Variants in KCNU1 observed in about 807,000 individuals in gnomAD.
KCNU1 encodes the protein potassium channel subfamily U member 1.
Under a neutral mutation model 126.8 loss-of-function variants are expected in KCNU1, and 93 were observed. That is an observed-to-expected ratio of 0.73 (90% CI 0.62 to 0.87). The LOEUF (loss-of-function observed/expected upper bound fraction) is 0.87. Ranked by LOEUF, KCNU1 falls within the 40% of genes least tolerant of loss-of-function variation. KCNU1 has a pLI of 0.00. For missense variants in KCNU1, 1,330 were observed against 1,367.1 expected (o/e 0.97, Z 0.43); for synonymous variants, 523 against 494.2 (o/e 1.06, Z -0.77).
At chr8:36,879,973 C>T (rs867972838) in intron 19 of KCNU1, among the ~76,000 whole-genome samples, 3 of 152,158 alleles carry the variant, frequency 2.0e-5, no homozygotes, top group Admixed American at 6.6e-5. Flanking sequence ...AGCACTCCAG[C>T]GTACAGCAAC....
intron 19 of KCNU1, among the ~76,000 whole-genome samples, chr8:36,877,593 A>G (rs1317745770): frequency 6.6e-6 from 1 of 152,064 alleles, no homozygotes; most frequent in Non-Finnish European, 1.5e-5. Context: ...ATGAGCCACC[A>G]CACCTGGCCT....
Position 36,805,261 on chromosome 8 carries a change from C to A in KCNU1, c.444C>A (p.Phe148Leu), listed in dbSNP as rs1554499018. The change falls in exon 4 of 27, where the codon TTC becomes TTA. Residue 148 changes from phenylalanine (F) to leucine (L), a missense_variant. Phe to Leu is a conservative substitution (Grantham distance 22). Coordinates refer to ENST00000399881, the MANE Select transcript of KCNU1 (RefSeq NM_001031836.3). Reference protein sequence around the residue: ...TIPIDLVFNAFFSFYFGLRFM... With the variant: ...TIPIDLVFNALFSFYFGLRFM... Reference sequence around the variant, plus strand: ...CTATTGATTTGGTTTTCAATGCTTTCTTTAGTTTCTATTTTGGATTGAGGG... The same window carrying A: ...CTATTGATTTGGTTTTCAATGCTTTATTTAGTTTCTATTTTGGATTGAGGG... 2 of 1,602,704 alleles carry A rather than the reference C, an allele frequency of 1.2e-6. No individual in the cohort carries two copies. The highest frequency in any genetic ancestry group is 3.4e-5 in the Admixed American group (2 of 58,858).
At chr8:36,919,317 G>T (rs1808247840) in intron 23 of KCNU1, among the ~76,000 whole-genome samples, 1 of 151,696 alleles carries the variant, frequency 6.6e-6, no homozygotes, top group South Asian at 2.1e-4. Flanking sequence ...GAGGCATGTG[G>T]GGTACAGACT....
intron 10 of KCNU1, among the ~76,000 whole-genome samples, chr8:36,819,394 T>C (rs545642481): frequency 2.0e-5 from 3 of 152,302 alleles, no homozygotes; most frequent in South Asian, 2.1e-4. Flanking sequence ...ACCTCATTAA[T>C]ATACTTCCTT....
intron 10 of KCNU1, among the ~76,000 whole-genome samples, chr8:36,824,568 G>C (rs1291707649): frequency 1.3e-5 from 2 of 152,118 alleles, no homozygotes; most frequent in East Asian, 3.9e-4. Context: ...CTTTGGATAA[G>C]GATGGATTAC....
chr8:36,815,988 C>T (rs1224982682), intron 9 of KCNU1, among the ~76,000 whole-genome samples: 1 of 152,204 alleles, frequency 6.6e-6, no homozygotes, highest in African/African-American at 2.4e-5. Context: ...ACATTCCTTT[C>T]CACTAACTTC....
chr8:36,881,831 CACACACA>C (rs1806492931), intron 19 of KCNU1, among the ~76,000 whole-genome samples: 1 of 151,516 alleles, frequency 6.6e-6, no homozygotes, highest in Non-Finnish European at 1.5e-5. Flanking sequence ...CACACACACA[CACACACA>C]CACACATTCA....
At chr8:36,898,664 T>C (rs1048712284) in intron 19 of KCNU1, among the ~76,000 whole-genome samples, 1 of 152,136 alleles carries the variant, frequency 6.6e-6, no homozygotes, top group East Asian at 1.9e-4. Flanking sequence ...ACTGACTTCA[T>C]TGTTCAGGTC....
intron 10 of KCNU1, among the ~76,000 whole-genome samples, chr8:36,824,262 C>CAGTT (rs1178627607): frequency 1.3e-5 from 2 of 152,154 alleles, no homozygotes; most frequent in African/African-American, 4.8e-5. Context: ...TCCTTATCTG[C>CAGTT]AGTTTTTCTT....
At chr8:36,825,470 C>A (rs1047711183) in intron 10 of KCNU1, among the ~76,000 whole-genome samples, 1 of 152,094 alleles carries the variant, frequency 6.6e-6, no homozygotes, top group Non-Finnish European at 1.5e-5. Flanking sequence ...TAACATTTAA[C>A]CTTTTGTTCT....
At chr8:36,922,099 T>C (rs571497093) in intron 23 of KCNU1, among the ~76,000 whole-genome samples, 26 of 152,218 alleles carry the variant, frequency 1.7e-4, no homozygotes, top group Non-Finnish European at 3.5e-4. Flanking sequence ...TAAAAGACTT[T>C]AACTGGGGTG....
intron 18 of KCNU1, among the ~76,000 whole-genome samples, chr8:36,860,531 C>G (rs944760626): frequency 1.3e-5 from 2 of 152,084 alleles, no homozygotes; most frequent in African/African-American, 4.8e-5. Context: ...AGTTCACTAC[C>G]TGCTATTTCT....
intron 19 of KCNU1, among the ~76,000 whole-genome samples, chr8:36,895,245 A>G (rs1807140808): frequency 6.6e-6 from 1 of 151,886 alleles, no homozygotes; most frequent in Non-Finnish European, 1.5e-5. Context: ...CGCCCAGCTA[A>G]TTTTTATATT....
intron 24 of KCNU1, among the ~76,000 whole-genome samples, chr8:36,926,736 C>T (rs1808545794): frequency 6.6e-6 from 1 of 152,118 alleles, no homozygotes; most frequent in Non-Finnish European, 1.5e-5. Flanking sequence ...GGGTTTGACA[C>T]TTCCAACCTG....
chr8:36,875,943 T>C (rs1184009189), intron 19 of KCNU1, among the ~76,000 whole-genome samples: 1 of 152,212 alleles, frequency 6.6e-6, no homozygotes, highest in Admixed American at 6.5e-5. Context: ...CTTTCTTTTT[T>C]CTCACTTGAC....
At chr8:36,896,004 T>C (rs967640145) in intron 19 of KCNU1, among the ~76,000 whole-genome samples, 13 of 152,068 alleles carry the variant, frequency 8.5e-5, no homozygotes, top group Non-Finnish European at 1.6e-4. Flanking sequence ...AGATAAAATA[T>C]GTTAAATTTT....
chr8:36,808,514 T>C (rs986480258), intron 6 of KCNU1, among the ~76,000 whole-genome samples: 20 of 152,066 alleles, frequency 1.3e-4, no homozygotes, highest in African/African-American at 4.3e-4. Context: ...AATGTGTATA[T>C]GAATCAAGCA....
At chr8:36,916,123 G>C (rs1170758230) in intron 22 of KCNU1, among the ~76,000 whole-genome samples, 1 of 146,588 alleles carries the variant, frequency 6.8e-6, no homozygotes, top group African/African-American at 2.5e-5. Context: ...GGAAGGAAAG[G>C]TGGGAGGGAA....
chr8:36,839,607 T>C (rs1804876577), intron 14 of KCNU1, among the ~76,000 whole-genome samples: 1 of 152,228 alleles, frequency 6.6e-6, no homozygotes, highest in African/African-American at 2.4e-5. Context: ...GTGTTTGTTT[T>C]TGTTTTGCTT....
Sources: allele counts gnomAD v4.1 joint callset (sites outside exome capture counted in the v4.1 genomes callset), GRCh38; gene constraint gnomAD v4.1.1; transcripts MANE v1.5; gene names NCBI Gene and HGNC (gene_info 2026-07-23, HGNC 2026-07-21).